Variants in NPHP4 observed in about 807,000 individuals in gnomAD.
NPHP4 encodes the protein nephrocystin 4.
In NPHP4, 151 loss-of-function variants were observed where a neutral mutation model predicts 155.8. The ratio of observed to expected loss-of-function variants is 0.97; its 90% CI spans 0.85 to 1.11. The LOEUF is 1.11. Ranked by LOEUF, NPHP4 falls within the 50% of genes least tolerant of loss-of-function variation. The pLI, the probability that NPHP4 is intolerant of heterozygous loss-of-function variation, is 0.00. For synonymous variants in NPHP4, 845 were observed against 816.8 expected, an observed-to-expected ratio of 1.03 and a Z score of -0.59; for missense variants, 1,956 against 1,925.7, an observed-to-expected ratio of 1.02 and a Z score of -0.29.
intron 23 of NPHP4, among the ~76,000 whole-genome samples, chr1:5,869,010 T>TAC (rs138080947): frequency 3.1e-4 from 26 of 84,922 alleles, no homozygotes; most frequent in African/African-American, 1.2e-3. Flanking sequence ...CACGCACCCA[T>TAC]ACACACACAC....
At chr1:5,938,519 C>CA (rs1444064002) in intron 9 of NPHP4, among the ~76,000 whole-genome samples, 4 of 152,208 alleles carry the variant, frequency 2.6e-5, no homozygotes, top group African/African-American at 9.6e-5. Context: ...ACGAGACGGA[C>CA]AGCAAACCCG....
intron 26 of NPHP4, chr1:5,865,794 T>C: frequency 6.1e-6 from 1 of 164,002 alleles, no homozygotes; most frequent in Admixed American, 5.7e-5. Context: ...GAAGCCACTC[T>C]GAGACGTGGT....
At chr1:5,957,233 C>T (rs1364364956) in intron 6 of NPHP4, among the ~76,000 whole-genome samples, 1 of 152,186 alleles carries the variant, frequency 6.6e-6, no homozygotes, top group African/African-American at 2.4e-5. Context: ...CCCCACTCTA[C>T]AACAATCCAT....
At position 5,890,899 on chromosome 1, in the gene NPHP4, A is replaced by G; in HGVS notation, c.2273T>C (p.Leu758Pro). Reference protein sequence around the residue: ...QIDVWDGDSLLLIGSAAVQMK... With the variant: ...QIDVWDGDSLPLIGSAAVQMK... Reference sequence around the variant, plus strand: ...CTGGACGGCAGCAGATCCGATGAGCAGCAGGGAGTCTCCGTCCCAGACGTC... The same window carrying G: ...CTGGACGGCAGCAGATCCGATGAGCGGCAGGGAGTCTCCGTCCCAGACGTC... Residue 758 changes from leucine to proline, a missense_variant, in exon 17 of 30, where the codon CTG becomes CCG. Coordinates refer to ENST00000378156, the MANE Select transcript of NPHP4 (RefSeq NM_015102.5). The surrounding 1 kb of genome is among the most constrained non-coding windows in gnomAD (Gnocchi z 4.9). 2 of 1,610,898 alleles carry G rather than the reference A, an allele frequency of 1.2e-6. No homozygotes were observed. Among genetic ancestry groups the G allele is most frequent in the Non-Finnish European group, 1.7e-6 (2 of 1,178,362 alleles).
At chr1:5,983,599 G>A (rs1264273631) in intron 2 of NPHP4, among the ~76,000 whole-genome samples, 1 of 152,148 alleles carries the variant, frequency 6.6e-6, no homozygotes, top group African/African-American at 2.4e-5. Flanking sequence ...TCCCTTTGCT[G>A]ATCTTGCTCT....
intron 20 of NPHP4, among the ~76,000 whole-genome samples, chr1:5,875,567 G>C (rs1233748728): frequency 6.6e-6 from 1 of 152,234 alleles, no homozygotes; most frequent in South Asian, 2.1e-4. Flanking sequence ...CCGGGTCAGA[G>C]TCCAGGCAAG....
intron 11 of NPHP4, among the ~76,000 whole-genome samples, chr1:5,926,658 A>G (rs1570471040): frequency 6.6e-6 from 1 of 152,234 alleles, no homozygotes; most frequent in East Asian, 1.9e-4. Context: ...CAACAAGACC[A>G]GTTCCCATAA....
In NPHP4 at chr1:5,960,522, C is replaced by T. The variant is rs925272722; in HGVS notation, c.673+1272G>A. On this transcript the variant is annotated intron_variant, in intron 6 of 29. Transcript: ENST00000378156. ...CAAACTCTCAGCACAGCACTGCTCT[C>T]GGTCCCCGCCCCTCACACACAAGGT... 2.9e-4 allele frequency among the ~76,000 whole-genome samples: 44 copies of T among 152,106 alleles called. 1 individual carries two copies. Among genetic ancestry groups the T allele is most frequent in the South Asian group, 8.3e-4 (4 of 4,820 alleles).
chr1:5,933,941 CA>C, intron 9 of NPHP4, among the ~76,000 whole-genome samples: 1 of 152,256 alleles, frequency 6.6e-6, no homozygotes, highest in South Asian at 2.1e-4. Context: ...TCTGGCTGGC[CA>C]AATGGAAGGA....
At position 5,863,939 on chromosome 1, in the gene NPHP4, A is replaced by G. The variant is rs773797166; in HGVS notation, c.4091T>C (p.Leu1364Pro). 5 of 1,613,812 alleles carry G rather than the reference A, an allele frequency of 3.1e-6. No homozygotes were observed. In the South Asian group the frequency reaches 5.5e-5, roughly 18 times the overall value. The change falls in exon 29 of 30, where the codon CTG becomes CCG. Residue 1364 changes from leucine (L) to proline (P), a missense_variant. Transcript: ENST00000378156. Reference protein sequence around the residue: ...NPYPSRRTFHLHSDHPELLRF... With the variant: ...NPYPSRRTFHPHSDHPELLRF... Reference sequence around the variant, plus strand: ...CAGCAGCTCCGGGTGGTCGCTGTGCAGGTGGAATGTCCTCCGGGAGGGGTA... The same window carrying G: ...CAGCAGCTCCGGGTGGTCGCTGTGCGGGTGGAATGTCCTCCGGGAGGGGTA...
chr1:5,971,418 C>T (rs1034440412), intron 3 of NPHP4, among the ~76,000 whole-genome samples: 2 of 152,200 alleles, frequency 1.3e-5, no homozygotes, highest in Non-Finnish European at 2.9e-5. Flanking sequence ...TTGATAAGGA[C>T]ATATGTTCTT....
chr1:5,874,961 C>T lies in NPHP4; in HGVS notation c.2957G>A (p.Gly986Glu), dbSNP rs769088477. ...TTEHTLHATL[G>E]VAEFFEFVLK... ...CACAAACTCAAAGAACTCGGCGACCCCCAGCGTGGCGTGGAGCGTGTGCTC... is the reference window on the plus strand; with the variant it reads ...CACAAACTCAAAGAACTCGGCGACCTCCAGCGTGGCGTGGAGCGTGTGCTC... Residue 986 changes from glycine (G) to glutamate (E), a missense_variant, in exon 21 of 30, where the codon GGG (glycine) becomes GAG (glutamate). Gly to Glu is a moderately conservative substitution (Grantham distance 98). Coordinates refer to ENST00000378156, the MANE Select transcript of NPHP4 (RefSeq NM_015102.5). 9 of 1,613,056 alleles carry T rather than the reference C, an allele frequency of 5.6e-6. No individual in the cohort carries two copies. The Admixed American group carries it at 1.5e-4, about 27-fold the overall frequency.
At chr1:5,954,716 A>C (rs778103729) in intron 6 of NPHP4, among the ~76,000 whole-genome samples, 22 of 152,252 alleles carry the variant, frequency 1.4e-4, no homozygotes, top group Non-Finnish European at 3.1e-4. Flanking sequence ...TTGAAGACTT[A>C]AATGTAAAAC....
Position 5,867,927 on chromosome 1 carries a change from GGGCACGA to G in NPHP4, c.3316-38_3316-32del. On this transcript the variant is annotated intron_variant, in intron 23 of 29. Transcript: ENST00000378156. The surrounding 1 kb of genome is among the most constrained non-coding windows in gnomAD (Gnocchi z 4.1). ...AGGAGGCCACGCTGAGTGTTGGGATGGGCACGAGGCTTGTGAGCAGCTTCTTGTCCCT... is the reference window on the plus strand; with the variant it reads ...AGGAGGCCACGCTGAGTGTTGGGATGGGCTTGTGAGCAGCTTCTTGTCCCT... 1 of 1,613,350 alleles carries G rather than the reference GGGCACGA, an allele frequency of 6.2e-7. No individual in the cohort carries two copies. The highest frequency in any genetic ancestry group is 8.5e-7 in the Non-Finnish European group (1 of 1,179,324).
chr1:5,950,411 GT>G (rs1647758071), intron 7 of NPHP4, among the ~76,000 whole-genome samples: 1 of 152,174 alleles, frequency 6.6e-6, no homozygotes, highest in Non-Finnish European at 1.5e-5. Context: ...CTATGGCCGA[GT>G]TGGCAAAATC....
rs1643957011 is a variant in NPHP4, at chr1:5,888,805, C to G, written c.2305-1339G>C. Among the ~76,000 whole-genome samples the G allele has an allele frequency of 2.0e-5, 3 of 152,180 alleles. 1 individual carries two copies. In the South Asian group the frequency reaches 6.2e-4, roughly 32 times the overall value. ...CCCTCTGTCTTCAGGAAGTGCAGGC[C>G]TGGCTGAGCCTTCGGGCCAAACCCC... On this transcript the variant is annotated intron_variant, in intron 17 of 29. Coordinates refer to ENST00000378156, the MANE Select transcript of NPHP4 (RefSeq NM_015102.5).
chr1:5,912,335 G>A (rs887456265), intron 11 of NPHP4, among the ~76,000 whole-genome samples: 36 of 152,202 alleles, frequency 2.4e-4, no homozygotes, highest in Middle Eastern at 3.4e-3. Flanking sequence ...TCAGGAGATC[G>A]AGACCATCCT....
intron 9 of NPHP4, among the ~76,000 whole-genome samples, chr1:5,943,775 C>T (rs778493116): frequency 6.6e-6 from 1 of 152,152 alleles, no homozygotes; most frequent in African/African-American, 2.4e-5. Context: ...TTTGATGATA[C>T]TAAGAAATGC....
rs1645185326 is a variant in NPHP4 at position 5,911,674 on chromosome 1, CA to C, written c.1442-2462del. Reference sequence around the variant, plus strand: ...ATTTAAAAAGGCCATTAAAGGTGGCCATTTAAAAAGATACCTGGTGGGAAGC... The same window carrying C: ...ATTTAAAAAGGCCATTAAAGGTGGCCTTTAAAAAGATACCTGGTGGGAAGC... On this transcript the variant is annotated intron_variant, in intron 11 of 29. Transcript: ENST00000378156. Among the ~76,000 whole-genome samples, 3 of 152,260 alleles carry C rather than the reference CA, an allele frequency of 2.0e-5. No individual in the cohort carries two copies. In the South Asian group the frequency reaches 6.2e-4, roughly 32 times the overall value.
Sources: allele counts gnomAD v4.1 joint callset (sites outside exome capture counted in the v4.1 genomes callset), GRCh38; gene constraint gnomAD v4.1.1; non-coding constraint Gnocchi (gnomAD v3.1); transcripts MANE v1.5; gene names NCBI Gene and HGNC (gene_info 2026-07-23, HGNC 2026-07-21).